The following L3MBTL3 variants were observed in gnomAD, a reference collection of about 807,000 sequenced individuals.
L3MBTL3 encodes the protein lethal(3)malignant brain tumor-like protein 3.
L3MBTL3 carries 27 observed loss-of-function variants against 102.3 expected under a neutral mutation model. The observed-to-expected ratio is 0.26, with a 90% CI of 0.19 to 0.36. The LOEUF is 0.36. L3MBTL3 is among the 10% of genes least tolerant of loss of function. The probability of loss-of-function intolerance (pLI) is 1.00; values close to 1 mark genes in which losing one functional copy is unlikely to be tolerated. For synonymous variants in L3MBTL3, 340 were observed against 320.9 expected (o/e 1.06, Z -0.64); for missense variants, 798 against 955.3 (o/e 0.84, Z 2.17).
intron 10 of L3MBTL3, 67 bp from the exon 11 acceptor site, chr6:130,066,286 G>GTGTGTA: frequency 1.0e-5 from 4 of 384,428 alleles, no homozygotes; most frequent in Non-Finnish European, 1.6e-5. Flanking sequence ...TTATTTTTGT[G>GTGTGTA]TATATATATA....
At chr6:130,135,069 C>CT (rs1787483866) in intron 22 of L3MBTL3, among the ~76,000 whole-genome samples, 1 of 143,174 alleles carries the variant, frequency 7.0e-6, no homozygotes, top group African/African-American at 2.6e-5. Flanking sequence ...TCTGTTTTTT[C>CT]CTTTTTTTTT....
intron 14 of L3MBTL3, among the ~76,000 whole-genome samples, chr6:130,081,021 C>T (rs932590524): frequency 1.3e-5 from 2 of 152,240 alleles, no homozygotes; most frequent in African/African-American, 2.4e-5. Flanking sequence ...CCCCCTTGTA[C>T]TTCACAGATT....
In L3MBTL3 at chr6:130,094,420, T is replaced by C. The variant is rs998753649; in HGVS notation, c.1736+53T>C. On this transcript the variant is annotated intron_variant, in intron 18 of 22. Transcript: ENST00000361794. The stretch of plus-strand genomic sequence containing the variant: ...CAGATATAGGTGTTCCATATACATG[T>C]ATATATAATGAATTTCATATATACT... The C allele has an allele frequency of 2.6e-6, 3 of 1,155,458 alleles. No homozygotes were observed. The African/African-American group carries it at 4.7e-5, about 18-fold the overall frequency. The allele number at this position is 1,155,458 out of a possible 1,614,324, so 71.6% of individuals were successfully genotyped here.
At chr6:130,045,612 T>TA (rs1162785575) in intron 3 of L3MBTL3, among the ~76,000 whole-genome samples, 1 of 152,184 alleles carries the variant, frequency 6.6e-6, no homozygotes, top group Non-Finnish European at 1.5e-5. Flanking sequence ...TGGATTATCT[T>TA]ACACCTGCTA....
intron 18 of L3MBTL3, among the ~76,000 whole-genome samples, chr6:130,099,216 A>G (rs568035990): frequency 6.7e-4 from 102 of 152,078 alleles, no homozygotes; most frequent in African/African-American, 2.2e-3. Flanking sequence ...AAGTACTTAG[A>G]GTAGAGAACA....
intron 19 of L3MBTL3, among the ~76,000 whole-genome samples, chr6:130,112,963 G>A (rs944191637): frequency 3.3e-5 from 5 of 152,274 alleles, no homozygotes; most frequent in East Asian, 1.9e-4. Context: ...GTGGACAGTG[G>A]CAGCTCATCT....
At chr6:130,051,484 T>C in intron 6 of L3MBTL3, 76 bp downstream of exon 6, 1 of 1,339,580 alleles carries the variant, frequency 7.5e-7, no homozygotes, top group South Asian at 1.3e-5. Context: ...TATAGAAGTT[T>C]TATGCTCTCG....
intron 18 of L3MBTL3, among the ~76,000 whole-genome samples, chr6:130,094,694 T>C (rs1029261237): frequency 1.3e-5 from 2 of 152,202 alleles, no homozygotes; most frequent in Non-Finnish European, 2.9e-5. Flanking sequence ...TCCGTTGATA[T>C]CATTTGGTAG....
intron 7 of L3MBTL3, among the ~76,000 whole-genome samples, chr6:130,053,564 G>C (rs1781242785): frequency 6.6e-6 from 1 of 151,846 alleles, no homozygotes; most frequent in African/African-American, 2.4e-5. Context: ...GAACCTGGGA[G>C]GTGGAGCTTG....
chr6:130,083,767 A>G (rs1783507731), intron 15 of L3MBTL3, 62 bp downstream of exon 15: 3 of 843,448 alleles, frequency 3.6e-6, no homozygotes, highest in Admixed American at 2.2e-5. Context: ...AAATTGAAGA[A>G]CAGAACAAGA....
At chr6:130,053,062 C>G (rs760348280) in intron 7 of L3MBTL3, 71 bp downstream of exon 7, 1 of 1,222,364 alleles carries the variant, frequency 8.2e-7, no homozygotes. Context: ...GTCACAAGCA[C>G]TGCTCTGGAG....
chr6:130,106,152 T>G (rs1784969012), intron 19 of L3MBTL3, among the ~76,000 whole-genome samples: 1 of 152,232 alleles, frequency 6.6e-6, no homozygotes, highest in Non-Finnish European at 1.5e-5. Flanking sequence ...TATTAATACT[T>G]ATCATTAGTA....
chr6:130,105,978 C>T (rs1346154017), intron 19 of L3MBTL3, among the ~76,000 whole-genome samples: 3 of 152,052 alleles, frequency 2.0e-5, no homozygotes, highest in South Asian at 2.1e-4. Context: ...TGAGTCTAAC[C>T]GTTTCGGTGT....
intron 13 of L3MBTL3, 88 bp downstream of exon 13, chr6:130,071,215 CAA>C: frequency 8.6e-7 from 1 of 1,158,242 alleles, no homozygotes; most frequent in Non-Finnish European, 1.2e-6. Flanking sequence ...ACGCTTATAA[CAA>C]AAAAAAGCAG....
chr6:130,121,351 T>A (rs1305714173), intron 20 of L3MBTL3, among the ~76,000 whole-genome samples: 1 of 152,200 alleles, frequency 6.6e-6, no homozygotes, highest in Non-Finnish European at 1.5e-5. Flanking sequence ...CCTGCATTAG[T>A]TTGCTGAGAG....
At chr6:130,053,204 A>G (rs974445963) in intron 7 of L3MBTL3, among the ~76,000 whole-genome samples, 1 of 152,190 alleles carries the variant, frequency 6.6e-6, no homozygotes, top group Non-Finnish European at 1.5e-5. Context: ...TCAGGGTGAA[A>G]AAGTGGGATG....
chr6:130,067,425 T>C (rs1782335614), intron 11 of L3MBTL3, among the ~76,000 whole-genome samples: 1 of 152,220 alleles, frequency 6.6e-6, no homozygotes, highest in African/African-American at 2.4e-5. Context: ...TATTTAGTAA[T>C]ATCTTATTCC....
chr6:130,041,484 A>G (rs1780418508), intron 2 of L3MBTL3, among the ~76,000 whole-genome samples: 1 of 152,208 alleles, frequency 6.6e-6, no homozygotes, highest in Admixed American at 6.5e-5. Context: ...GGATAAATCC[A>G]TGTTTCCTTT....
intron 2 of L3MBTL3, among the ~76,000 whole-genome samples, chr6:130,037,804 A>T (rs1780154343): frequency 6.6e-6 from 1 of 151,932 alleles, no homozygotes; most frequent in Admixed American, 6.6e-5. Context: ...CAATCGTCTG[A>T]CTCTTCTGAA....
Sources: gnomAD v4.1 joint callset for allele counts (sites outside exome capture counted in the v4.1 genomes callset) on GRCh38, gnomAD v4.1.1 for gene constraint, MANE v1.5 for transcripts, NCBI Gene and HGNC (gene_info 2026-07-23, HGNC 2026-07-21) for gene names.